PRKD1: variants seen among roughly 807,000 people sequenced by gnomAD.
PRKD1 encodes the protein serine/threonine-protein kinase D1.
A neutral mutation model predicts 95.9 loss-of-function variants in PRKD1; 63 were observed. That is an observed-to-expected ratio of 0.66 (90% CI 0.54 to 0.81). PRKD1 has a LOEUF of 0.81. Ranked by LOEUF, PRKD1 falls within the 30% of genes least tolerant of loss-of-function variation. The pLI is 0.00. For missense variants in PRKD1, 1,048 were observed against 1,165.3 expected (o/e 0.90, Z 1.47); for synonymous variants, 425 against 423.1 (o/e 1.00, Z -0.05).
At chr14:29,707,645 A>G (rs1885154494) in intron 2 of PRKD1, among the ~76,000 whole-genome samples, 1 of 152,180 alleles carries the variant, frequency 6.6e-6, no homozygotes, top group Non-Finnish European at 1.5e-5. Context: ...TGATGCAACC[A>G]AAGAACTGCT....
chr14:29,850,067 A>G (rs1269203897), intron 1 of PRKD1, among the ~76,000 whole-genome samples: 1 of 152,160 alleles, frequency 6.6e-6, no homozygotes, highest in Non-Finnish European at 1.5e-5. Flanking sequence ...AGTAAGAAAC[A>G]CTGATGACAA....
intron 4 of PRKD1, among the ~76,000 whole-genome samples, chr14:29,648,271 A>G (rs1165220225): frequency 6.6e-6 from 1 of 151,390 alleles, no homozygotes; most frequent in Admixed American, 6.6e-5. Flanking sequence ...CTCTGTATAA[A>G]TGATGTTTAA....
chr14:29,826,537 AATATATGT>A (rs1891127028), intron 1 of PRKD1, among the ~76,000 whole-genome samples: 1 of 98,468 alleles, frequency 1.0e-5, no homozygotes, highest in Non-Finnish European at 1.9e-5. Flanking sequence ...TATATGATGG[AATATATGT>A]ATACATATAT....
chr14:29,742,905 T>C (rs1887045085), intron 1 of PRKD1, among the ~76,000 whole-genome samples: 1 of 152,180 alleles, frequency 6.6e-6, no homozygotes, highest in South Asian at 2.1e-4. Flanking sequence ...AACACAGTAG[T>C]AAACAATACA....
At chr14:29,925,031 T>A (rs1173807423) in intron 1 of PRKD1, among the ~76,000 whole-genome samples, 2 of 152,134 alleles carry the variant, frequency 1.3e-5, no homozygotes, top group Admixed American at 1.3e-4. Flanking sequence ...CAAGTTCACA[T>A]CTATAAATCT....
At chr14:29,624,969 G>A (rs918983606) in intron 12 of PRKD1, among the ~76,000 whole-genome samples, 5 of 152,132 alleles carry the variant, frequency 3.3e-5, no homozygotes, top group African/African-American at 4.8e-5. Flanking sequence ...AAATGTAGCA[G>A]TGTTAATTGA....
rs1156388875 is a variant in PRKD1 at position 29,834,615 on chromosome 14, C to A, written c.264+92634G>T. 2.6e-5 allele frequency among the ~76,000 whole-genome samples: 4 copies of A among 151,886 alleles called. No homozygotes were observed. The South Asian group carries it at 8.3e-4, about 32-fold the overall frequency. On this transcript the variant is annotated intron_variant, in intron 1 of 17. Transcript: ENST00000331968. ...ATAAACATAATAATAATTTTTCTCC[C>A]CATTTTTTTTCTATTTTACTAAATA...
chr14:29,689,456 C>G (rs967425358), intron 2 of PRKD1, among the ~76,000 whole-genome samples: 2 of 151,582 alleles, frequency 1.3e-5, no homozygotes, highest in Admixed American at 6.6e-5. Flanking sequence ...AGTCAAGAAA[C>G]AACAACAACA....
At chr14:29,913,788 G>A (rs1477116337) in intron 1 of PRKD1, among the ~76,000 whole-genome samples, 14 of 152,180 alleles carry the variant, frequency 9.2e-5, no homozygotes, top group Non-Finnish European at 1.9e-4. Context: ...AACAACTGAC[G>A]CCCTGTGTCC....
chr14:29,614,815 G>A (rs1401635839), intron 13 of PRKD1, among the ~76,000 whole-genome samples: 2 of 148,892 alleles, frequency 1.3e-5, no homozygotes, highest in South Asian at 2.1e-4. Flanking sequence ...TCAACCTCCT[G>A]TGTAGGTGGG....
intron 1 of PRKD1, among the ~76,000 whole-genome samples, chr14:29,792,897 A>C (rs1354942704): frequency 6.6e-6 from 1 of 152,132 alleles, no homozygotes; most frequent in Admixed American, 6.6e-5. Flanking sequence ...TGCTTTAAAA[A>C]GCCAAACATT....
chr14:29,661,032 T>C (rs983718824), intron 4 of PRKD1, among the ~76,000 whole-genome samples: 1 of 152,218 alleles, frequency 6.6e-6, no homozygotes, highest in Non-Finnish European at 1.5e-5. Flanking sequence ...CCAAAGTTGA[T>C]GACAGTTGAA....
intron 2 of PRKD1, among the ~76,000 whole-genome samples, chr14:29,707,876 T>C (rs1178700282): frequency 8.5e-5 from 13 of 152,156 alleles, no homozygotes; most frequent in Non-Finnish European, 2.9e-5. Flanking sequence ...AGATGGCCCC[T>C]GGGATACATC....
intron 12 of PRKD1, among the ~76,000 whole-genome samples, chr14:29,624,463 T>C (rs1879483943): frequency 1.3e-5 from 2 of 152,216 alleles, no homozygotes; most frequent in South Asian, 4.1e-4. Context: ...AGCCATAATT[T>C]AGAACGCAAA....
chr14:29,861,104 C>A (rs74394079), intron 1 of PRKD1, among the ~76,000 whole-genome samples: 3,649 of 152,208 alleles, frequency 0.024, 146 homozygotes, highest in African/African-American at 0.083. Context: ...ACTCATTTGT[C>A]TGCCAGAATA....
At chr14:29,826,469 T>C (rs1215626891) in intron 1 of PRKD1, among the ~76,000 whole-genome samples, 1 of 123,150 alleles carries the variant, frequency 8.1e-6, no homozygotes, top group Non-Finnish European at 1.6e-5. Flanking sequence ...GGAATATATA[T>C]ACATATATAT....
chr14:29,697,350 G>A (rs1884581899), intron 2 of PRKD1, among the ~76,000 whole-genome samples: 1 of 152,074 alleles, frequency 6.6e-6, no homozygotes, highest in Admixed American at 6.6e-5. Flanking sequence ...TATACTCAGA[G>A]AGCAAATAAC....
intron 1 of PRKD1, among the ~76,000 whole-genome samples, chr14:29,778,750 T>A (rs984224741): frequency 2.0e-5 from 3 of 152,120 alleles, no homozygotes; most frequent in African/African-American, 7.2e-5. Context: ...ATGATTCCAA[T>A]TGATAGAAAA....
At chr14:29,629,020 T>C (rs930601090) in intron 11 of PRKD1, 21 bp downstream of exon 11, 3 of 1,501,240 alleles carry the variant, frequency 2.0e-6, no homozygotes, top group South Asian at 1.3e-5. Flanking sequence ...GCAAGTTTTA[T>C]ATTAGTAGGT....
Sources: gnomAD v4.1 joint callset for allele counts (sites outside exome capture counted in the v4.1 genomes callset) on GRCh38, gnomAD v4.1.1 for gene constraint, MANE v1.5 for transcripts, NCBI Gene and HGNC (gene_info 2026-07-23, HGNC 2026-07-21) for gene names.